The following CCDC137 variants were observed in gnomAD, a reference collection of about 807,000 sequenced individuals.
CCDC137 encodes the protein coiled-coil domain-containing protein 137.
A neutral mutation model predicts 30.4 loss-of-function variants in CCDC137; 24 were observed. The ratio of observed to expected loss-of-function variants is 0.79; its 90% CI spans 0.57 to 1.11. CCDC137 has a LOEUF of 1.11. Ranked by LOEUF, CCDC137 falls within the 50% of genes least tolerant of loss-of-function variation. The pLI is 0.00. For missense variants in CCDC137, 417 were observed against 380.4 expected, an observed-to-expected ratio of 1.10 and a Z score of -0.80; for synonymous variants, 182 against 155.7, an observed-to-expected ratio of 1.17 and a Z score of -1.26.
At chr17:81,667,265 T>C (rs1029645846) in intron 1 of CCDC137, among the ~76,000 whole-genome samples, 6 of 151,472 alleles carry the variant, frequency 4.0e-5, no homozygotes, top group Admixed American at 6.6e-5. Context: ...CTCCCTGGAC[T>C]GCTGGACCGG....
intron 3 of CCDC137, among the ~76,000 whole-genome samples, chr17:81,670,992 C>CATTAGGCATTAG (rs1447200806): frequency 2.0e-5 from 3 of 151,800 alleles, no homozygotes; most frequent in Non-Finnish European, 4.4e-5. Flanking sequence ...ATTAGCCGGG[C>CATTAGGCATTAG]GTGGTGGTGC....
intron 3 of CCDC137, chr17:81,671,490 T>A: frequency 1.9e-6 from 1 of 514,672 alleles, no homozygotes. Flanking sequence ...CATTGTCAGA[T>A]GTTCCCTGGC....
intron 2 of CCDC137, 46 bp from the exon 3 acceptor site, chr17:81,670,179 C>A: frequency 1.4e-6 from 2 of 1,467,184 alleles, no homozygotes; most frequent in Non-Finnish European, 1.9e-6. Flanking sequence ...CACCTGCCTG[C>A]CACTGTCTGC....
At position 81,667,791 on chromosome 17, in the gene CCDC137, G is replaced by T; in HGVS notation, c.197G>T (p.Arg66Leu). 7 of 1,613,116 alleles carry T rather than the reference G, an allele frequency of 4.3e-6. No homozygotes were observed. The highest frequency in any genetic ancestry group is 3.3e-5 in the South Asian group (3 of 91,042). Residue 66 changes from arginine (R) to leucine (L), a missense_variant, in exon 2 of 6, where the codon CGG (arginine) becomes CTG (leucine). Physicochemically the swap from Arg to Leu is moderately radical, Grantham distance 102 (BLOSUM62 -2). Coordinates refer to ENST00000329214, the MANE Select transcript of CCDC137 (RefSeq NM_199287.3). ...KNQDEQEIPFRLREIMRSRQE... is the reference protein window; with the variant it reads ...KNQDEQEIPFLLREIMRSRQE... ...CAGGACGAACAGGAGATTCCTTTCC[G>T]GCTCCGGGAGATTATGAGGAGCCGC...
intron 5 of CCDC137, 29 bp from the exon 6 acceptor site, chr17:81,672,466 T>C: frequency 6.5e-7 from 1 of 1,542,386 alleles, no homozygotes; most frequent in Non-Finnish European, 8.8e-7. Context: ...TTTCCCAGCC[T>C]GTGCCTCACC....
chr17:81,666,996 C>A (rs915255020), intron 1 of CCDC137, 96 bp downstream of exon 1: 249 of 1,205,542 alleles, frequency 2.1e-4, no homozygotes, highest in Non-Finnish European at 2.4e-4. Flanking sequence ...TTCGCTCGGA[C>A]CCCTTCCCCA....
chr17:81,666,923 C>G (rs2036639442), intron 1 of CCDC137, 23 bp downstream of exon 1: 1 of 1,251,466 alleles, frequency 8.0e-7, no homozygotes, highest in Non-Finnish European at 1.0e-6. Flanking sequence ...CCCCGCGAGG[C>G]CGCCACACTT....
In CCDC137 at chr17:81,672,109, C is replaced by T; in HGVS notation, c.614C>T (p.Pro205Leu). Residue 205 changes from proline (P) to leucine (L), a missense_variant, in exon 5 of 6, where the codon CCC becomes CTC. Physicochemically the swap from Pro to Leu is moderately conservative, Grantham distance 98 (BLOSUM62 -3). Coordinates refer to ENST00000329214, the MANE Select transcript of CCDC137 (RefSeq NM_199287.3). Reference protein sequence around the residue: ...TVKFGEVVLQPPELTARPQRS... With the variant: ...TVKFGEVVLQLPELTARPQRS... ...AAGTTTGGTGAGGTTGTCCTGCAGCCCCCAGAGCTGACTGCCAGGCCCCAG... is the reference window on the plus strand; with the variant it reads ...AAGTTTGGTGAGGTTGTCCTGCAGCTCCCAGAGCTGACTGCCAGGCCCCAG... 2 of 1,614,068 alleles carry T rather than the reference C, an allele frequency of 1.2e-6. No individual in the cohort carries two copies. The highest frequency in any genetic ancestry group is 1.3e-5 in the African/African-American group (1 of 74,990).
At chr17:81,669,326 A>G (rs2036690006) in intron 2 of CCDC137, among the ~76,000 whole-genome samples, 1 of 148,190 alleles carries the variant, frequency 6.7e-6, no homozygotes, top group Non-Finnish European at 1.5e-5. Flanking sequence ...TTGTATTTTT[A>G]GTAAAGGCTG....
rs1196232742 is a variant in CCDC137, at chr17:81,667,843, C to T, written c.249C>T (p.Asn83=). ...AAGAGATGAAAAACCCGATCAGTAA[C>T]AAGAAGAGGAAGAAAGCAGGTGTGT... is the stretch of plus-strand genomic sequence containing the variant. ...SRQEMKNPIS[N]KKRKKAAQVT... Residue 83 remains asparagine (N), a synonymous_variant, in exon 2 of 6, where the codon AAC becomes AAT. Coordinates refer to ENST00000329214, the MANE Select transcript of CCDC137 (RefSeq NM_199287.3). 1.2e-6 allele frequency: 2 copies of T among 1,611,692 alleles called. No individual in the cohort carries two copies. Among genetic ancestry groups the T allele is most frequent in the Non-Finnish European group, 1.7e-6 (2 of 1,179,954 alleles).
intron 3 of CCDC137, 121 bp downstream of exon 3, chr17:81,670,574 A>T (rs2144443148): frequency 3.6e-6 from 3 of 827,378 alleles, no homozygotes; most frequent in Non-Finnish European, 5.6e-6. Flanking sequence ...GGATTCAGGG[A>T]GACCAAGCCA....
chr17:81,670,788 A>G (rs1016898362), intron 3 of CCDC137, among the ~76,000 whole-genome samples: 1 of 152,166 alleles, frequency 6.6e-6, no homozygotes, highest in African/African-American at 2.4e-5. Context: ...TTCTGTTTCC[A>G]TTAGAACAGA....
chr17:81,672,386 C>T (rs900498196), intron 5 of CCDC137, 109 bp from the exon 6 acceptor site: 2 of 1,108,244 alleles, frequency 1.8e-6, no homozygotes, highest in South Asian at 3.0e-5. Context: ...TGGTGTGTGG[C>T]CTGAGAGTGC....
At chr17:81,667,945 A>C in intron 2 of CCDC137, 83 bp downstream of exon 2, 1 of 1,494,920 alleles carries the variant, frequency 6.7e-7, no homozygotes, top group Non-Finnish European at 9.0e-7. Context: ...AGAACGTTTC[A>C]GGCAGAGGAA....
chr17:81,672,003 C>A, intron 4 of CCDC137, 73 bp from the exon 5 acceptor site: 1 of 1,543,026 alleles, frequency 6.5e-7, no homozygotes, highest in Non-Finnish European at 9.0e-7. Flanking sequence ...GGGAGGTGGG[C>A]GGGTGGTGGC....
At chr17:81,670,033 C>T (rs2036698705) in intron 2 of CCDC137, 192 bp from the exon 3 acceptor site, 8 of 591,902 alleles carry the variant, frequency 1.4e-5, no homozygotes, top group Non-Finnish European at 2.4e-5. Flanking sequence ...TGACAGGTGC[C>T]ATTGGGCTGG....
chr17:81,672,840 A>G lies in CCDC137; in HGVS notation c.*136A>G. The G allele has an allele frequency of 1.2e-6, 1 of 816,724 alleles. No individual in the cohort carries two copies. Among genetic ancestry groups the G allele is most frequent in the Non-Finnish European group, 1.9e-6 (1 of 532,372 alleles). The allele number at this position is 816,724 out of a possible 1,614,324, so 50.6% of individuals were successfully genotyped here. ...GCTACTTGTTCACACGTTGGGCACTAGTGGGTCCACATCTTGCAGGGGGTG... is the reference window on the plus strand; with the variant it reads ...GCTACTTGTTCACACGTTGGGCACTGGTGGGTCCACATCTTGCAGGGGGTG... On this transcript the variant is annotated 3_prime_UTR_variant, in exon 6 of 6. Transcript: ENST00000329214.
At chr17:81,672,044 C>T (rs1238234218) in intron 4 of CCDC137, 32 bp from the exon 5 acceptor site, 3 of 1,610,374 alleles carry the variant, frequency 1.9e-6, no homozygotes, top group Non-Finnish European at 2.5e-6. Context: ...TGGCTGTGGG[C>T]AGCAGTCCTC....
chr17:81,672,056 G>T lies in CCDC137; in HGVS notation c.581-20G>T. On this transcript the variant is annotated intron_variant, in intron 4 of 5. Transcript: ENST00000329214. ...CAGTGGCTGTGGGCAGCAGTCCTCA[G>T]TTGTATTCTGCTCCTCCAGACACGG... 1 of 1,613,692 alleles carries T rather than the reference G, an allele frequency of 6.2e-7. No individual in the cohort carries two copies. Among genetic ancestry groups the T allele is most frequent in the Non-Finnish European group, 8.5e-7 (1 of 1,179,676 alleles).
Sources: gnomAD v4.1 joint callset for allele counts (sites outside exome capture counted in the v4.1 genomes callset) on GRCh38, gnomAD v4.1.1 for gene constraint, MANE v1.5 for transcripts, NCBI Gene and HGNC (gene_info 2026-07-23, HGNC 2026-07-21) for gene names.